Variants in FKBP3 observed in about 807,000 individuals in gnomAD.
FKBP3 encodes the protein FKBP prolyl isomerase 3.
In FKBP3, 21 loss-of-function variants were observed where a neutral mutation model predicts 30.6. The observed-to-expected ratio is 0.69, with a 90% CI of 0.49 to 0.99. The LOEUF is 0.99. FKBP3 is among the 50% of genes least tolerant of loss of function. FKBP3 has a pLI of 0.00. For missense variants in FKBP3, 283 were observed against 261.6 expected, an observed-to-expected ratio of 1.08 and a Z score of -0.56; for synonymous variants, 82 against 91.3, an observed-to-expected ratio of 0.90 and a Z score of 0.58.
At chr14:45,116,833 G>C (rs1884853621) in intron 6 of FKBP3, among the ~76,000 whole-genome samples, 1 of 151,974 alleles carries the variant, frequency 6.6e-6, no homozygotes, top group South Asian at 2.1e-4. Flanking sequence ...TCCAGCCTGG[G>C]TGACAGAGCG....
At chr14:45,132,485 C>G (rs879332107) in intron 1 of FKBP3, among the ~76,000 whole-genome samples, 9 of 152,040 alleles carry the variant, frequency 5.9e-5, no homozygotes, top group Admixed American at 5.9e-4. Context: ...GCAACCTCCC[C>G]CTCTTGGGTT....
chr14:45,123,602 C>CTTT lies in FKBP3; in HGVS notation c.319-1985_319-1983dup, dbSNP rs200242313. 4.7e-4 allele frequency among the ~76,000 whole-genome samples: 40 copies of CTTT among 84,308 alleles called. 6 individuals carry two copies. The highest frequency in any genetic ancestry group is 8.1e-4 in the African/African-American group (13 of 15,966). 55.3% of individuals were successfully genotyped at this position (84,308 alleles called of 152,430 possible). ...ACTCTGCTTAAATCCCTCTCTACTC[C>CTTT]TTTTTTTTTTTTTTTTTTTTTTTTT... On this transcript the variant is annotated intron_variant, in intron 3 of 6. Transcript: ENST00000396062.
At position 45,121,696 on chromosome 14, in the gene FKBP3, C is replaced by G; in HGVS notation, c.319-76G>C. ...TAAAAGAATGACAAACAATAGCCAA[C>G]AATGACCAAAGTCAGTTTAAAGAGT... On this transcript the variant is annotated intron_variant, in intron 3 of 6. Transcript: ENST00000396062. 4.6e-6 allele frequency: 7 copies of G among 1,510,108 alleles called. No homozygotes were observed. In the Admixed American group the frequency reaches 1.1e-4, roughly 25 times the overall value. 93.5% of individuals were successfully genotyped at this position (1,510,108 alleles called of 1,614,324 possible).
chr14:45,125,904 T>A (rs904346541), intron 3 of FKBP3, among the ~76,000 whole-genome samples: 29 of 143,140 alleles, frequency 2.0e-4, no homozygotes, highest in African/African-American at 3.1e-4. Context: ...AGAAAAAAAA[T>A]TTTTTTTTTT....
At chr14:45,117,320 T>A (rs1164713193) in intron 6 of FKBP3, among the ~76,000 whole-genome samples, 1 of 152,222 alleles carries the variant, frequency 6.6e-6, no homozygotes, top group Non-Finnish European at 1.5e-5. Flanking sequence ...TTCCCAAATA[T>A]GTTTATCTGC....
chr14:45,130,549 T>G (rs1885190484), intron 2 of FKBP3, 150 bp downstream of exon 2: 1 of 493,944 alleles, frequency 2.0e-6, no homozygotes, highest in Non-Finnish European at 3.6e-6. Context: ...CTTGCTAGAT[T>G]TGACAGCTAG....
Position 45,134,338 on chromosome 14 carries a change from G to GCCTCTGGTA in FKBP3, c.108+2_108+10dup. 6.2e-7 allele frequency: 1 copy of GCCTCTGGTA among 1,605,850 alleles called. No homozygotes were observed. Among genetic ancestry groups the GCCTCTGGTA allele is most frequent in the Non-Finnish European group, 8.5e-7 (1 of 1,173,174 alleles). ...GCCGCACCAGCCCGGCCGCCCCTAC[G>GCCTCTGGTA]CCTCTGGTACCGAATCTGAACCGTG... On this transcript the variant is annotated intron_variant, in intron 1 of 6. Transcript: ENST00000396062.
At chr14:45,133,242 C>A in intron 1 of FKBP3, 1 of 162,452 alleles carries the variant, frequency 6.2e-6, no homozygotes, top group Non-Finnish European at 1.4e-5. Flanking sequence ...CCGAGGCGGG[C>A]GGATCACGAG....
At chr14:45,118,761 T>TA (rs781397839) in intron 5 of FKBP3, among the ~76,000 whole-genome samples, 1 of 152,252 alleles carries the variant, frequency 6.6e-6, no homozygotes, top group Non-Finnish European at 1.5e-5. Flanking sequence ...AACGAGTTTA[T>TA]TTTTATTGGA....
intron 3 of FKBP3, among the ~76,000 whole-genome samples, chr14:45,124,798 G>A (rs1207687130): frequency 1.3e-5 from 2 of 152,130 alleles, no homozygotes; most frequent in East Asian, 3.9e-4. Context: ...AAGGGAGAAT[G>A]GCATGAAATA....
chr14:45,123,970 T>C (rs2139081533), intron 3 of FKBP3, among the ~76,000 whole-genome samples: 1 of 152,192 alleles, frequency 6.6e-6, no homozygotes. Context: ...GACTGGAGTT[T>C]AGCTCTTTCC....
intron 1 of FKBP3, chr14:45,133,571 G>A (rs1299644956): frequency 6.4e-6 from 1 of 155,068 alleles, no homozygotes; most frequent in Admixed American, 6.5e-5. Context: ...GTAAGAGAAT[G>A]CTGCGTGCAC....
At chr14:45,127,357 C>T (rs978636543) in intron 3 of FKBP3, among the ~76,000 whole-genome samples, 9 of 145,408 alleles carry the variant, frequency 6.2e-5, no homozygotes, top group South Asian at 2.2e-4. Context: ...TCAGGTGATC[C>T]GCCTGCCTCG....
rs200895253 is a variant in FKBP3, at chr14:45,134,345, G to A, written c.108+4C>T. 8.2e-5 allele frequency: 132 copies of A among 1,611,636 alleles called. No individual in the cohort carries two copies. The African/African-American group carries it at 1.5e-3, about 18-fold the overall frequency. On this transcript the variant is annotated splice_donor_region_variant and intron_variant, in intron 1 of 6. Coordinates refer to ENST00000396062, the MANE Select transcript of FKBP3 (RefSeq NM_002013.4). ...CAGCCCGGCCGCCCCTACGCCTCTG[G>A]TACCGAATCTGAACCGTGTTCCTGC...
At chr14:45,124,554 TA>T (rs1198028536) in intron 3 of FKBP3, among the ~76,000 whole-genome samples, 18 of 151,062 alleles carry the variant, frequency 1.2e-4, no homozygotes, top group South Asian at 2.1e-4. Flanking sequence ...TATATATATA[TA>T]TTTTTTTTTC....
intron 6 of FKBP3, 60 bp from the exon 7 acceptor site, chr14:45,116,312 T>TA: frequency 4.2e-6 from 5 of 1,185,660 alleles, no homozygotes; most frequent in Non-Finnish European, 6.3e-6. Context: ...CCCATAACCT[T>TA]AGTGTAGGAT....
intron 3 of FKBP3, among the ~76,000 whole-genome samples, chr14:45,129,017 T>C (rs1312010917): frequency 6.6e-6 from 1 of 152,202 alleles, no homozygotes; most frequent in East Asian, 1.9e-4. Context: ...TTTTAGCCAA[T>C]AGGAAAAGAT....
intron 1 of FKBP3, among the ~76,000 whole-genome samples, chr14:45,132,266 A>G (rs1019775909): frequency 6.6e-6 from 1 of 152,238 alleles, no homozygotes; most frequent in Non-Finnish European, 1.5e-5. Context: ...TACCTTTAGC[A>G]TGCTGGTGGT....
chr14:45,126,179 C>T (rs968302954), intron 3 of FKBP3, among the ~76,000 whole-genome samples: 4 of 151,106 alleles, frequency 2.6e-5, no homozygotes, highest in Non-Finnish European at 1.5e-5. Context: ...GCGTGAGCCA[C>T]TGCACCTGGC....
Sources: gnomAD v4.1 joint callset for allele counts (sites outside exome capture counted in the v4.1 genomes callset) on GRCh38, gnomAD v4.1.1 for gene constraint, MANE v1.5 for transcripts, NCBI Gene and HGNC (gene_info 2026-07-23, HGNC 2026-07-21) for gene names.